The following PIGU variants were observed in gnomAD, a reference collection of about 807,000 sequenced individuals.
The protein encoded by PIGU is GPI-anchor transamidase component PIGU.
In PIGU, 24 loss-of-function variants were observed where a neutral mutation model predicts 49.9. That is an observed-to-expected ratio of 0.48 (90% CI 0.35 to 0.68). The LOEUF is 0.68. PIGU is among the 30% of genes least tolerant of loss of function. The pLI is 0.01. For missense variants in PIGU, 490 were observed against 532.6 expected, an observed-to-expected ratio of 0.92 and a Z score of 0.79; for synonymous variants, 220 against 205.7, an observed-to-expected ratio of 1.07 and a Z score of -0.59.
Position 34,616,681 on chromosome 20 carries a change from T to C in PIGU, c.530-542A>G, listed in dbSNP as rs571211515. ...ACTTCCTATATAAAATGGACTACTA[T>C]GGAATCATTAAACATGAGGCTATTA... On this transcript the variant is annotated intron_variant, in intron 6 of 11. Coordinates refer to ENST00000217446, the MANE Select transcript of PIGU (RefSeq NM_080476.5). Among the ~76,000 whole-genome samples, 190 of 152,240 alleles carry C rather than the reference T, an allele frequency of 1.2e-3. 1 individual carries two copies. Among genetic ancestry groups the C allele is most frequent in the African/African-American group, 4.4e-3 (181 of 41,558 alleles).
intron 10 of PIGU, among the ~76,000 whole-genome samples, chr20:34,579,734 A>G (rs1388063156): frequency 1.3e-5 from 2 of 152,180 alleles, no homozygotes; most frequent in Non-Finnish European, 2.9e-5. Flanking sequence ...CAACTATTAG[A>G]TCATTCAGGT....
At chr20:34,676,893 C>T (rs1372069080) in intron 1 of PIGU, 63 bp downstream of exon 1, 1 of 1,549,472 alleles carries the variant, frequency 6.5e-7, no homozygotes, top group Non-Finnish European at 8.7e-7. Flanking sequence ...CCCCGCCTCC[C>T]ATTCACAGAG....
intron 1 of PIGU, among the ~76,000 whole-genome samples, chr20:34,668,044 AAAACC>A (rs1987156935): frequency 6.6e-6 from 1 of 152,164 alleles, no homozygotes; most frequent in African/African-American, 2.4e-5. Context: ...AACATTAGAC[AAAACC>A]AAATTGAGGG....
chr20:34,606,081 C>T (rs1167679380), intron 7 of PIGU, among the ~76,000 whole-genome samples: 1 of 151,916 alleles, frequency 6.6e-6, no homozygotes, highest in African/African-American at 2.4e-5. Context: ...CGGTGAAACC[C>T]CGTCTTTACT....
chr20:34,562,507 C>A (rs1437429955), intron 11 of PIGU: 1 of 1,289,400 alleles, frequency 7.8e-7, no homozygotes, highest in South Asian at 1.2e-5. Flanking sequence ...TGTCCTGTCA[C>A]CAGCAGCTCT....
intron 6 of PIGU, among the ~76,000 whole-genome samples, chr20:34,627,519 T>A (rs999192579): frequency 6.6e-5 from 10 of 152,072 alleles, no homozygotes; most frequent in African/African-American, 2.4e-4. Flanking sequence ...TACTTACATG[T>A]TTTTCTTCCC....
intron 1 of PIGU, among the ~76,000 whole-genome samples, chr20:34,673,331 C>CT (rs1183464635): frequency 6.6e-6 from 1 of 151,910 alleles, no homozygotes; most frequent in Non-Finnish European, 1.5e-5. Context: ...AAATTCCTGC[C>CT]TTTTAGGGTT....
At chr20:34,623,564 G>T in intron 6 of PIGU, among the ~76,000 whole-genome samples, 1 of 152,162 alleles carries the variant, frequency 6.6e-6, no homozygotes, top group East Asian at 1.9e-4. Context: ...ACTAGTGAAT[G>T]AGAGCAATAG....
At chr20:34,616,214 A>C (rs982807862) in intron 6 of PIGU, 75 bp from the exon 7 acceptor site, 1 of 1,512,050 alleles carries the variant, frequency 6.6e-7, no homozygotes, top group Non-Finnish European at 8.9e-7. Context: ...CCCTCTCAAC[A>C]CAAAACTTTC....
chr20:34,626,986 G>A (rs1985515432), intron 6 of PIGU, among the ~76,000 whole-genome samples: 1 of 152,032 alleles, frequency 6.6e-6, no homozygotes, highest in African/African-American at 2.4e-5. Context: ...AGTTATAACT[G>A]AACTAACTAT....
intron 11 of PIGU, among the ~76,000 whole-genome samples, chr20:34,564,120 T>C (rs1041205367): frequency 3.9e-5 from 6 of 152,148 alleles, no homozygotes; most frequent in Admixed American, 1.3e-4. Flanking sequence ...TTACATGTAA[T>C]GTGGACCTCT....
intron 11 of PIGU, among the ~76,000 whole-genome samples, chr20:34,567,802 CCTCTCT>C (rs11467880): frequency 3.8e-4 from 55 of 144,596 alleles, no homozygotes; most frequent in Non-Finnish European, 4.7e-4. Flanking sequence ...CCTCCTTCCT[CCTCTCT>C]CTCTCTCTCT....
chr20:34,580,750 G>T (rs920666066), intron 10 of PIGU, among the ~76,000 whole-genome samples: 1 of 152,232 alleles, frequency 6.6e-6, no homozygotes, highest in African/African-American at 2.4e-5. Context: ...AAAGGTGAAT[G>T]AGTTGTGATA....
chr20:34,610,921 T>C (rs1453540505), intron 7 of PIGU, among the ~76,000 whole-genome samples: 2 of 152,170 alleles, frequency 1.3e-5, no homozygotes, highest in East Asian at 3.9e-4. Context: ...AACCACCTGA[T>C]CTTTGATAAA....
intron 7 of PIGU, among the ~76,000 whole-genome samples, chr20:34,600,504 A>C (rs1006676273): frequency 1.3e-5 from 2 of 152,282 alleles, no homozygotes; most frequent in South Asian, 2.1e-4. Context: ...GAAAGTATTT[A>C]GGTTCTGAGT....
rs777558924 is a variant in PIGU at position 34,637,920 on chromosome 20, C to T, written c.384G>A (p.Arg128=). ...GGATGTAACGCATTTCCATAGGGGTCCGGATGAGTTCGGCCACATCTGGGG... is the reference window on the plus strand; with the variant it reads ...GGATGTAACGCATTTCCATAGGGGTTCGGATGAGTTCGGCCACATCTGGGG... The part of the protein sequence containing the change: ...QYAPDVAELI[R]TPMEMRYIPL... Residue 128 remains arginine (R), a synonymous_variant, in exon 5 of 12, where the codon CGG becomes CGA. Coordinates refer to ENST00000217446, the MANE Select transcript of PIGU (RefSeq NM_080476.5). 1.1e-5 allele frequency: 17 copies of T among 1,609,372 alleles called. No homozygotes were observed. Among genetic ancestry groups the T allele is most frequent in the Non-Finnish European group, 1.4e-5 (17 of 1,178,228 alleles).
chr20:34,611,648 G>GAA (rs146531122), intron 7 of PIGU, among the ~76,000 whole-genome samples: 17 of 64,976 alleles, frequency 2.6e-4, no homozygotes, highest in South Asian at 6.5e-4. Flanking sequence ...TCAAGTCTCA[G>GAA]AAAAAAAAAA....
intron 6 of PIGU, among the ~76,000 whole-genome samples, chr20:34,628,892 T>C (rs1462369785): frequency 1.3e-5 from 2 of 152,118 alleles, no homozygotes; most frequent in Admixed American, 1.3e-4. Flanking sequence ...ATGTTATATG[T>C]AGTAGGTTGT....
intron 1 of PIGU, among the ~76,000 whole-genome samples, chr20:34,671,557 C>A (rs1430991520): frequency 2.6e-5 from 4 of 152,070 alleles, no homozygotes; most frequent in African/African-American, 9.7e-5. Flanking sequence ...CCACCGTGCC[C>A]AGCCTGTTAA....
Sources: allele counts gnomAD v4.1 joint callset (sites outside exome capture counted in the v4.1 genomes callset), GRCh38; gene constraint gnomAD v4.1.1; transcripts MANE v1.5; gene names NCBI Gene and HGNC (gene_info 2026-07-23, HGNC 2026-07-21).